The following KBTBD7 variants were observed in gnomAD, a reference collection of about 807,000 sequenced individuals.
KBTBD7 encodes the protein kelch repeat and BTB domain-containing protein 7.
KBTBD7 carries 25 observed loss-of-function variants against 50.3 expected under a neutral mutation model. That is an observed-to-expected ratio of 0.50 (90% CI 0.36 to 0.69). KBTBD7 has a LOEUF of 0.69. Among genes scored for constraint, KBTBD7 ranks in the 30% least tolerant of loss-of-function variants. The pLI is 0.00. For missense variants in KBTBD7, 653 were observed against 869.5 expected (o/e 0.75, Z 3.13); for synonymous variants, 305 against 325.3 (o/e 0.94, Z 0.67).
chr13:41,194,075 C>G lies in KBTBD7; in HGVS notation c.183G>C (p.Leu61=), dbSNP rs1313042278. The stretch of plus-strand genomic sequence containing the variant: ...CCACCTCGATGGTCACATCACACAG[C>G]AGCCGCGCGTCGTAGAAGGACTTGA... ...AQLKSFYDAR[L]LCDVTIEVVT... The change falls in exon 1 of 1, where the codon CTG becomes CTC. Residue 61 remains leucine (L), a synonymous_variant. Coordinates refer to ENST00000379483, the MANE Select transcript of KBTBD7 (RefSeq NM_032138.7). 1 of 1,614,090 alleles carries G rather than the reference C, an allele frequency of 6.2e-7. No individual in the cohort carries two copies. The highest frequency in any genetic ancestry group is 8.5e-7 in the Non-Finnish European group (1 of 1,180,048).
Position 41,194,391 on chromosome 13 carries a change from A to G in KBTBD7, c.-134T>C. 8.3e-7 allele frequency: 1 copy of G among 1,211,228 alleles called. No individual in the cohort carries two copies. The highest frequency in any genetic ancestry group is 1.1e-6 in the Non-Finnish European group (1 of 875,992). 75.0% of individuals were successfully genotyped at this position (1,211,228 alleles called of 1,614,324 possible). A position where few individuals can be genotyped will look rare whatever the true frequency, so the allele number is the denominator to read the frequency against. On this transcript the variant is annotated 5_prime_UTR_variant, in exon 1 of 1. Coordinates refer to ENST00000379483, the MANE Select transcript of KBTBD7 (RefSeq NM_032138.7). Reference sequence around the variant, plus strand: ...ACTGCGGCACGGGCCGCACTTCTGAATTCAGCCCTATCCCGCGGTGAGGCC... The same window carrying G: ...ACTGCGGCACGGGCCGCACTTCTGAGTTCAGCCCTATCCCGCGGTGAGGCC...
In KBTBD7 at chr13:41,192,855, G is replaced by A. The variant is rs769547529; in HGVS notation, c.1403C>T (p.Ala468Val). ...SVQRNQWALV[A>V]PVPHSFYSFE... ...GGAATAGAAGGAATGAGGGACAGGA[G>A]CCACCAATGCCCACTGGTTTCTCTG... The change falls in exon 1 of 1, where the codon GCT becomes GTT. Residue 468 changes from alanine to valine, a missense_variant. This residue lies in a region of KBTBD7 where 526 missense variants were observed against 717.1 expected (regional missense o/e 0.73). Transcript: ENST00000379483. The A allele has an allele frequency of 6.2e-6, 10 of 1,614,192 alleles. 1 individual carries two copies. The South Asian group carries it at 1.1e-4, about 18-fold the overall frequency.
Sources: gnomAD v4.1 joint callset for allele counts on GRCh38, gnomAD v4.1.1 for gene constraint, gnomAD v4.1.1 regional missense constraint, MANE v1.5 for transcripts, NCBI Gene and HGNC (gene_info 2026-07-23, HGNC 2026-07-21) for gene names.